Variants in VWA8 observed in about 807,000 individuals in gnomAD.
VWA8 encodes the protein von Willebrand factor A domain containing 8.
A neutral mutation model predicts 241.5 loss-of-function variants in VWA8; 221 were observed. The ratio of observed to expected loss-of-function variants is 0.91; its 90% CI spans 0.82 to 1.02. VWA8 has a LOEUF of 1.02. Ranked by LOEUF, VWA8 falls within the 50% of genes least tolerant of loss-of-function variation. The pLI, the probability that VWA8 is intolerant of heterozygous loss-of-function variation, is 0.00. For synonymous variants in VWA8, 852 were observed against 827.1 expected (o/e 1.03, Z -0.52); for missense variants, 2,322 against 2,328.7 (o/e 1.00, Z 0.06).
At chr13:41,829,699 T>C (rs1409838009) in intron 14 of VWA8, among the ~76,000 whole-genome samples, 2 of 152,050 alleles carry the variant, frequency 1.3e-5, no homozygotes, top group Non-Finnish European at 1.5e-5. Context: ...AAACCAAATA[T>C]TGCATGTCAT....
chr13:41,595,758 TCTG>T lies in VWA8; in HGVS notation c.4987-4996_4987-4994del, dbSNP rs536216743. 3.5e-3 allele frequency among the ~76,000 whole-genome samples: 530 copies of T among 152,264 alleles called. 1 individual carries two copies. The highest frequency in any genetic ancestry group is 6.5e-3 in the Non-Finnish European group (443 of 68,010). On this transcript the variant is annotated intron_variant, in intron 40 of 44. Transcript: ENST00000379310. ...TGTCACAATTTACCCATTCTACAAT[TCTG>T]CTGATTTCAGTTTGGGGCTATTAAA...
At chr13:41,921,440 C>A (rs904794633) in intron 2 of VWA8, among the ~76,000 whole-genome samples, 2 of 152,110 alleles carry the variant, frequency 1.3e-5, no homozygotes, top group Non-Finnish European at 2.9e-5. Flanking sequence ...CTGGCCAGGG[C>A]AATCAGGCAG....
intron 2 of VWA8, among the ~76,000 whole-genome samples, chr13:41,945,577 G>T (rs1057272741): frequency 1.1e-4 from 17 of 152,070 alleles, no homozygotes; most frequent in Admixed American, 9.8e-4. Context: ...CCAATAAAGA[G>T]AAATTATAAA....
At position 41,819,230 on chromosome 13, in the gene VWA8, C is replaced by A. The variant is rs1212789408; in HGVS notation, c.1857G>T (p.Val619=). 1 of 1,601,116 alleles carries A rather than the reference C, an allele frequency of 6.2e-7. No individual in the cohort carries two copies. ...GCTTTCTTCTTACCTTTTCCTTAAT[C>A]ACTTGGATTTCTTCACTTTTCACAA... ...KPLVKSEEIQ[V]IKEKVPNVPQ... Residue 619 remains valine, a synonymous_variant, in exon 15 of 45, where the codon GTG becomes GTT. Transcript: ENST00000379310.
chr13:41,592,298 A>C (rs1190171483), intron 40 of VWA8, among the ~76,000 whole-genome samples: 1 of 118,808 alleles, frequency 8.4e-6, no homozygotes, highest in Non-Finnish European at 1.6e-5. Flanking sequence ...GGGGAACATC[A>C]CACTCTGGGG....
At chr13:41,899,915 G>T (rs1875338597) in intron 4 of VWA8, among the ~76,000 whole-genome samples, 1 of 152,116 alleles carries the variant, frequency 6.6e-6, no homozygotes, top group Non-Finnish European at 1.5e-5. Flanking sequence ...TAAGTGTGGG[G>T]GTACAATCTC....
intron 24 of VWA8, among the ~76,000 whole-genome samples, chr13:41,726,940 G>A (rs1174312315): frequency 1.3e-5 from 2 of 151,972 alleles, no homozygotes; most frequent in African/African-American, 4.8e-5. Flanking sequence ...AGTTGTAGTG[G>A]GCCGAGATCA....
intron 1 of VWA8, among the ~76,000 whole-genome samples, chr13:41,952,904 A>G (rs994975146): frequency 6.6e-6 from 1 of 152,138 alleles, no homozygotes; most frequent in Admixed American, 6.5e-5. Context: ...AGGACTAGCA[A>G]TAACAGAAAG....
At chr13:41,951,155 G>A (rs1566049878) in intron 1 of VWA8, among the ~76,000 whole-genome samples, 2 of 151,970 alleles carry the variant, frequency 1.3e-5, no homozygotes, top group Admixed American at 6.6e-5. Context: ...AGTGGCTCAC[G>A]CCTGTAATCC....
rs138075452 is a variant in VWA8 at position 41,811,285 on chromosome 13, C to T, written c.2003G>A (p.Arg668Gln). ...STRQLLRISR[R>Q]LSQYPNENLH... ...ATTTTCATTAGGATACTGTGACAGC[C>T]GACGAGAAATTCGCAACAGTTGTCT... Residue 668 changes from arginine to glutamine, a missense_variant, in exon 17 of 45, where the codon CGG becomes CAG. Coordinates refer to ENST00000379310, the MANE Select transcript of VWA8 (RefSeq NM_015058.2). 6,438 of 1,610,634 alleles carry T rather than the reference C, an allele frequency of 4.0e-3. 22 individuals are homozygous for T. Among genetic ancestry groups the T allele is most frequent in the Non-Finnish European group, 4.7e-3 (5,555 of 1,177,448 alleles).
intron 1 of VWA8, among the ~76,000 whole-genome samples, chr13:41,954,553 A>G (rs1382924784): frequency 6.6e-6 from 1 of 152,168 alleles, no homozygotes; most frequent in Non-Finnish European, 1.5e-5. Flanking sequence ...TCTAGCACAA[A>G]TTGATCACTC....
At chr13:41,866,970 AG>A (rs1367016839) in intron 10 of VWA8, among the ~76,000 whole-genome samples, 1 of 152,154 alleles carries the variant, frequency 6.6e-6, no homozygotes, top group African/African-American at 2.4e-5. Context: ...TGTTCTGATG[AG>A]GACTCTGGGC....
At chr13:41,744,615 C>T (rs573282376) in intron 21 of VWA8, among the ~76,000 whole-genome samples, 1 of 133,228 alleles carries the variant, frequency 7.5e-6, no homozygotes, top group Admixed American at 7.5e-5. Flanking sequence ...AACAAAACAC[C>T]ATTTTAAATC....
At chr13:41,569,780 G>A (rs535877090) in intron 44 of VWA8, among the ~76,000 whole-genome samples, 129 of 152,106 alleles carry the variant, frequency 8.5e-4, no homozygotes, top group South Asian at 3.7e-3. Context: ...AGTTATGAAA[G>A]TGTTTCCAGA....
At chr13:41,649,387 T>A (rs2044854352) in intron 37 of VWA8, among the ~76,000 whole-genome samples, 1 of 152,318 alleles carries the variant, frequency 6.6e-6, no homozygotes, top group East Asian at 1.9e-4. Flanking sequence ...TGAACACTAG[T>A]AATTATTTAA....
intron 23 of VWA8, among the ~76,000 whole-genome samples, chr13:41,728,709 T>C (rs895920286): frequency 1.3e-5 from 2 of 152,060 alleles, no homozygotes; most frequent in African/African-American, 4.8e-5. Context: ...TAGAATGCTT[T>C]TATTAGTGCT....
At chr13:41,853,325 G>T (rs1872599239) in intron 12 of VWA8, among the ~76,000 whole-genome samples, 1 of 152,070 alleles carries the variant, frequency 6.6e-6, no homozygotes, top group Admixed American at 6.6e-5. Flanking sequence ...AGGGATATTG[G>T]TCTGTAATTT....
intron 17 of VWA8, among the ~76,000 whole-genome samples, chr13:41,793,770 C>G (rs556795173): frequency 3.3e-4 from 51 of 152,268 alleles, no homozygotes; most frequent in African/African-American, 1.2e-3. Context: ...GAGCCGAGAT[C>G]GTGCCACTGC....
intron 12 of VWA8, among the ~76,000 whole-genome samples, chr13:41,852,704 T>G (rs1209237838): frequency 6.6e-6 from 1 of 152,172 alleles, no homozygotes; most frequent in Non-Finnish European, 1.5e-5. Flanking sequence ...GTACTATTTA[T>G]TGAAAAGACT....
Sources: gnomAD v4.1 joint callset for allele counts (sites outside exome capture counted in the v4.1 genomes callset) on GRCh38, gnomAD v4.1.1 for gene constraint, MANE v1.5 for transcripts, NCBI Gene and HGNC (gene_info 2026-07-23, HGNC 2026-07-21) for gene names.